Variants in GABRG3 observed in about 807,000 individuals in gnomAD.
GABRG3 encodes gamma-aminobutyric acid receptor subunit gamma-3.
Under a neutral mutation model 48.8 loss-of-function variants are expected in GABRG3, and 25 were observed. The ratio of observed to expected loss-of-function variants is 0.51; its 90% CI spans 0.37 to 0.72. The LOEUF is 0.72. GABRG3 is among the 30% of genes least tolerant of loss of function. GABRG3 has a pLI of 0.00. For missense variants in GABRG3, 394 were observed against 577.9 expected (o/e 0.68, Z 3.26); for synonymous variants, 227 against 217.6 (o/e 1.04, Z -0.38).
chr15:27,095,177 C>G (rs1897250659), intron 3 of GABRG3, among the ~76,000 whole-genome samples: 1 of 152,196 alleles, frequency 6.6e-6, no homozygotes, highest in South Asian at 2.1e-4. Context: ...TGGACTTAGA[C>G]TGTCTTATCA....
chr15:27,001,172 A>G (rs1847611625), intron 2 of GABRG3, among the ~76,000 whole-genome samples: 1 of 152,202 alleles, frequency 6.6e-6, no homozygotes, highest in Non-Finnish European at 1.5e-5. Flanking sequence ...TGCCTGATAT[A>G]GATTGTCTTG....
At chr15:27,474,861 G>T (rs1352787686) in intron 5 of GABRG3, among the ~76,000 whole-genome samples, 1 of 152,176 alleles carries the variant, frequency 6.6e-6, no homozygotes, top group Non-Finnish European at 1.5e-5. Flanking sequence ...GCTGGGTGCA[G>T]TGGTTCACGC....
intron 3 of GABRG3, among the ~76,000 whole-genome samples, chr15:27,243,314 T>C (rs1890183458): frequency 2.0e-5 from 3 of 152,202 alleles, no homozygotes; most frequent in Admixed American, 6.5e-5. Context: ...GCAAATGTTA[T>C]GTTTGATTGG....
At chr15:27,187,473 GT>G (rs1411663058) in intron 3 of GABRG3, among the ~76,000 whole-genome samples, 1 of 152,112 alleles carries the variant, frequency 6.6e-6, no homozygotes, top group Non-Finnish European at 1.5e-5. Flanking sequence ...TAGGAATAGT[GT>G]TGAATATGTA....
At chr15:27,271,288 C>T (rs1054379750) in intron 3 of GABRG3, among the ~76,000 whole-genome samples, 23 of 152,218 alleles carry the variant, frequency 1.5e-4, no homozygotes, top group African/African-American at 5.1e-4. Context: ...TCCAGCCCTG[C>T]GACAGACCTT....
At chr15:27,426,659 TAAATAAA>T (rs1355158536) in intron 5 of GABRG3, among the ~76,000 whole-genome samples, 3 of 151,824 alleles carry the variant, frequency 2.0e-5, no homozygotes, top group South Asian at 2.1e-4. Context: ...CCAAAATAAA[TAAATAAA>T]AAATAAAAAA....
chr15:27,356,861 G>C (rs1451817113), intron 5 of GABRG3, among the ~76,000 whole-genome samples: 6 of 152,202 alleles, frequency 3.9e-5, no homozygotes, highest in Non-Finnish European at 8.8e-5. Flanking sequence ...ACCACAGCAA[G>C]AGTCACATAA....
At chr15:27,283,096 G>A (rs1043563924) in intron 3 of GABRG3, among the ~76,000 whole-genome samples, 5 of 152,152 alleles carry the variant, frequency 3.3e-5, no homozygotes, top group African/African-American at 4.8e-5. Flanking sequence ...TTCAGGCTGC[G>A]CATTCACCCC....
rs377096091 is a variant in GABRG3 at position 27,367,395 on chromosome 15, C to T, written c.574+38507C>T. Among the ~76,000 whole-genome samples, 3 of 152,128 alleles carry T rather than the reference C, an allele frequency of 2.0e-5. No individual in the cohort carries two copies. The East Asian group carries it at 5.8e-4, about 29-fold the overall frequency. On this transcript the variant is annotated intron_variant, in intron 5 of 9. Transcript: ENST00000615808. ...GCCTACCAATAAAGGTATGTGGTGTCCAAAAGCAAAAAATAGTAGCTGCAT... is the reference window on the plus strand; with the variant it reads ...GCCTACCAATAAAGGTATGTGGTGTTCAAAAGCAAAAAATAGTAGCTGCAT...
chr15:27,111,243 G>A (rs1897543384), intron 3 of GABRG3, among the ~76,000 whole-genome samples: 1 of 152,052 alleles, frequency 6.6e-6, no homozygotes, highest in Non-Finnish European at 1.5e-5. Flanking sequence ...ATCTGCTTTT[G>A]ATTCAGTTTT....
chr15:27,119,846 C>T (rs547047527), intron 3 of GABRG3, among the ~76,000 whole-genome samples: 61 of 152,328 alleles, frequency 4.0e-4, no homozygotes, highest in African/African-American at 1.3e-3. Flanking sequence ...ATTCCCAGCA[C>T]AGCTGCTGAC....
chr15:27,514,660 T>A (rs1890976541), intron 6 of GABRG3, among the ~76,000 whole-genome samples: 1 of 152,214 alleles, frequency 6.6e-6, no homozygotes, highest in Non-Finnish European at 1.5e-5. Flanking sequence ...AAATCAGGTT[T>A]TGCCCACACT....
chr15:27,058,104 T>C (rs1420180506), intron 3 of GABRG3, among the ~76,000 whole-genome samples: 1 of 152,218 alleles, frequency 6.6e-6, no homozygotes, highest in East Asian at 1.9e-4. Context: ...CTGCTCCATC[T>C]GCAGAGCCAG....
chr15:27,448,697 A>T (rs1349739524), intron 5 of GABRG3, among the ~76,000 whole-genome samples: 1 of 152,178 alleles, frequency 6.6e-6, no homozygotes, highest in Non-Finnish European at 1.5e-5. Flanking sequence ...GATTGAAATG[A>T]TTGCCTCAAA....
intron 5 of GABRG3, among the ~76,000 whole-genome samples, chr15:27,458,779 A>G (rs1889363367): frequency 6.6e-6 from 1 of 152,192 alleles, no homozygotes; most frequent in African/African-American, 2.4e-5. Context: ...AAATGGCTGC[A>G]GGTTACTACA....
intron 3 of GABRG3, among the ~76,000 whole-genome samples, chr15:27,070,393 A>T (rs1394701626): frequency 2.0e-5 from 3 of 152,224 alleles, no homozygotes; most frequent in Non-Finnish European, 4.4e-5. Flanking sequence ...GACTGTGACC[A>T]CATAGAACAT....
chr15:27,231,424 C>T (rs546163177), intron 3 of GABRG3, among the ~76,000 whole-genome samples: 1 of 152,312 alleles, frequency 6.6e-6, no homozygotes. Context: ...TGAAGCTCCT[C>T]TGATAAAAGT....
At chr15:27,419,176 A>G (rs1307336132) in intron 5 of GABRG3, 6 of 152,174 alleles carry the variant, frequency 3.9e-5, no homozygotes, top group African/African-American at 9.7e-5. Context: ...TTCTGCCTAA[A>G]CACGAAGGGC....
At chr15:27,183,669 A>ACC (rs1449033419) in intron 3 of GABRG3, among the ~76,000 whole-genome samples, 3 of 152,256 alleles carry the variant, frequency 2.0e-5, no homozygotes, top group Non-Finnish European at 4.4e-5. Flanking sequence ...CCAATTAAAA[A>ACC]TAAGTATAAA....
Sources: gnomAD v4.1 joint callset for allele counts (sites outside exome capture counted in the v4.1 genomes callset) on GRCh38, gnomAD v4.1.1 for gene constraint, MANE v1.5 for transcripts, NCBI Gene and HGNC (gene_info 2026-07-23, HGNC 2026-07-21) for gene names.